DCC: variants seen among roughly 807,000 people sequenced by gnomAD.
The protein encoded by DCC is DCC netrin 1 receptor, also known as netrin receptor DCC.
A neutral mutation model predicts 172.5 loss-of-function variants in DCC; 58 were observed. The observed-to-expected ratio is 0.34, with a 90% confidence interval of 0.27 to 0.42. The LOEUF is 0.42. Ranked by LOEUF, DCC falls within the 10% of genes least tolerant of loss-of-function variation. The probability of loss-of-function intolerance (pLI) is 1.00; values close to 1 mark genes in which losing one functional copy is unlikely to be tolerated. For synonymous variants in DCC, 709 were observed against 644.5 expected (o/e 1.10, Z -1.52); for missense variants, 1,740 against 1,791.0 (o/e 0.97, Z 0.51).
intron 1 of DCC, among the ~76,000 whole-genome samples, chr18:52,365,916 T>A (rs1262806566): frequency 2.0e-5 from 3 of 152,216 alleles, no homozygotes. Context: ...GGACTTAACC[T>A]GCAGTCCATA....
chr18:53,501,046 T>G (rs1026047136), intron 27 of DCC, among the ~76,000 whole-genome samples: 50 of 152,186 alleles, frequency 3.3e-4, no homozygotes, highest in Admixed American at 3.3e-3. Context: ...TGCTTCCTTG[T>G]GATTTCTGGC....
At chr18:52,824,279 T>C (rs1336951445) in intron 2 of DCC, among the ~76,000 whole-genome samples, 1 of 152,202 alleles carries the variant, frequency 6.6e-6, no homozygotes, top group South Asian at 2.1e-4. Flanking sequence ...ACTCTCCTTG[T>C]GTCTTGTGAA....
chr18:52,982,333 A>T (rs185843270), intron 5 of DCC, among the ~76,000 whole-genome samples: 1 of 152,182 alleles, frequency 6.6e-6, no homozygotes, highest in Admixed American at 6.5e-5. Context: ...AATGAGGGCA[A>T]TGCAGCAGAT....
intron 12 of DCC, among the ~76,000 whole-genome samples, chr18:53,271,678 C>A (rs1284210083): frequency 6.6e-6 from 1 of 152,112 alleles, no homozygotes; most frequent in Non-Finnish European, 1.5e-5. Context: ...CGGAAGCTAT[C>A]TTTTGTGACC....
At chr18:53,272,736 T>C (rs1304725325) in intron 12 of DCC, among the ~76,000 whole-genome samples, 16 of 152,110 alleles carry the variant, frequency 1.1e-4, no homozygotes, top group Admixed American at 9.8e-4. Context: ...AGGAAAAGAG[T>C]GTTTAGCACC....
chr18:53,463,250 A>C (rs1222336356), intron 24 of DCC, among the ~76,000 whole-genome samples: 1 of 152,170 alleles, frequency 6.6e-6, no homozygotes, highest in Non-Finnish European at 1.5e-5. Context: ...ATATACTGAG[A>C]TGACATTAAG....
At chr18:53,006,296 C>G (rs1041889331) in intron 5 of DCC, among the ~76,000 whole-genome samples, 3 of 152,156 alleles carry the variant, frequency 2.0e-5, no homozygotes, top group Admixed American at 6.5e-5. Context: ...AGTCAGGTGT[C>G]TCCTACCTAG....
chr18:52,848,522 A>AT (rs1258958867), intron 2 of DCC, among the ~76,000 whole-genome samples: 1 of 151,948 alleles, frequency 6.6e-6, no homozygotes, highest in African/African-American at 2.4e-5. Context: ...AAACTTTCGT[A>AT]TTTTTTTCCC....
At chr18:52,729,843 A>G (rs2036609689) in intron 1 of DCC, among the ~76,000 whole-genome samples, 1 of 152,142 alleles carries the variant, frequency 6.6e-6, no homozygotes, top group Admixed American at 6.5e-5. Flanking sequence ...TAGACCTGGA[A>G]GGATCTTAGA....
chr18:52,886,845 G>A (rs1038245879), intron 2 of DCC, among the ~76,000 whole-genome samples: 4 of 152,190 alleles, frequency 2.6e-5, no homozygotes, highest in Non-Finnish European at 4.4e-5. Flanking sequence ...GATGGCAAAT[G>A]TAGCCTTCTA....
chr18:52,667,920 G>A, intron 1 of DCC, among the ~76,000 whole-genome samples: 1 of 152,126 alleles, frequency 6.6e-6, no homozygotes, highest in Non-Finnish European at 1.5e-5. Context: ...GCCACACTGA[G>A]TATGTGCCAG....
chr18:52,370,075 C>T (rs1985050911), intron 1 of DCC, among the ~76,000 whole-genome samples: 1 of 152,078 alleles, frequency 6.6e-6, no homozygotes, highest in Admixed American at 6.6e-5. Context: ...TTCATTTTCT[C>T]TGCAACCTCA....
chr18:52,374,552 GA>G, intron 1 of DCC, among the ~76,000 whole-genome samples: 1 of 152,122 alleles, frequency 6.6e-6, no homozygotes, highest in Non-Finnish European at 1.5e-5. Context: ...TTATTGATGA[GA>G]GGGGCAAGAT....
chr18:53,328,889 C>T (rs1237188421), intron 14 of DCC, among the ~76,000 whole-genome samples: 1 of 152,118 alleles, frequency 6.6e-6, no homozygotes, highest in African/African-American at 2.4e-5. Context: ...TTCTTTCTGA[C>T]AGTAATATGA....
rs774090499 is a variant in DCC, at chr18:53,459,333, T to C, written c.3494T>C (p.Ile1165Thr). The C allele has an allele frequency of 4.3e-6, 7 of 1,613,908 alleles. No individual in the cohort carries two copies. Among genetic ancestry groups the C allele is most frequent in the East Asian group, 4.5e-5 (2 of 44,868 alleles). ...CATGAAGAAATGGAGATGAAAAATATTGAAAAGCCATCTGGCACTGACCCT... is the reference window on the plus strand; with the variant it reads ...CATGAAGAAATGGAGATGAAAAATACTGAAAAGCCATCTGGCACTGACCCT... ...IHHEEMEMKN[I>T]EKPSGTDPAG... The change falls in exon 24 of 29, where the codon ATT becomes ACT. Residue 1165 changes from isoleucine (I) to threonine (T), a missense_variant. Around this residue, in one of 2 missense-constraint regions of DCC, gnomAD observed 1,732 missense variants for 1,767.4 expected, o/e 0.98. Coordinates refer to ENST00000442544, the MANE Select transcript of DCC (RefSeq NM_005215.4).
At chr18:53,525,654 C>T (rs1378055895) in intron 27 of DCC, among the ~76,000 whole-genome samples, 1 of 152,000 alleles carries the variant, frequency 6.6e-6, no homozygotes, top group East Asian at 1.9e-4. Context: ...TTTTATTTTC[C>T]ACAGTGTAGT....
chr18:53,245,905 T>C (rs1284811637), intron 12 of DCC, among the ~76,000 whole-genome samples: 3 of 152,098 alleles, frequency 2.0e-5, no homozygotes, highest in Non-Finnish European at 4.4e-5. Flanking sequence ...ACTCCCTGGC[T>C]ACCTCAGGTT....
intron 12 of DCC, among the ~76,000 whole-genome samples, chr18:53,256,979 G>C (rs1316837210): frequency 6.6e-6 from 1 of 152,132 alleles, no homozygotes; most frequent in African/African-American, 2.4e-5. Context: ...AAGCAATTGT[G>C]AATGGGAATT....
intron 2 of DCC, among the ~76,000 whole-genome samples, chr18:52,857,251 A>C (rs1312843834): frequency 1.3e-5 from 2 of 152,230 alleles, no homozygotes; most frequent in African/African-American, 4.8e-5. Flanking sequence ...GGCTGCAGAC[A>C]TGTTTGGGTA....
Sources: allele counts gnomAD v4.1 joint callset (sites outside exome capture counted in the v4.1 genomes callset), GRCh38; gene constraint gnomAD v4.1.1; regional missense constraint gnomAD v4.1.1; transcripts MANE v1.5; gene names NCBI Gene and HGNC (gene_info 2026-07-23, HGNC 2026-07-21).